The following ARMC3 variants were observed in gnomAD, a reference collection of about 807,000 sequenced individuals.
ARMC3 encodes armadillo repeat-containing protein 3.
Under a neutral mutation model 90.3 loss-of-function variants are expected in ARMC3, and 74 were observed. The observed-to-expected ratio is 0.82, with a 90% CI of 0.68 to 0.99. The LOEUF is 0.99. Among genes scored for constraint, ARMC3 ranks in the 50% least tolerant of loss-of-function variants. The pLI, the probability that ARMC3 is intolerant of heterozygous loss-of-function variation, is 0.00. For missense variants in ARMC3, 958 were observed against 1,042.8 expected, an observed-to-expected ratio of 0.92 and a Z score of 1.12; for synonymous variants, 334 against 361.8, an observed-to-expected ratio of 0.92 and a Z score of 0.87.
intron 7 of ARMC3, among the ~76,000 whole-genome samples, chr10:22,967,555 A>G (rs1458297427): frequency 3.9e-5 from 6 of 152,210 alleles, no homozygotes; most frequent in Non-Finnish European, 8.8e-5. Flanking sequence ...AAACGGCACC[A>G]TATGGTAGAC....
rs1437919632 is a variant in ARMC3, at chr10:22,931,979, A to T, written c.-1-17A>T. On this transcript the variant is annotated splice_polypyrimidine_tract_variant and intron_variant, in intron 1 of 18. Coordinates refer to ENST00000298032, the MANE Select transcript of ARMC3 (RefSeq NM_173081.5). ...TGTGCAAATGTCACTTTAACCATAT[A>T]TTGCATCTTTTTCCAGGATGGGTAA... 3.8e-6 allele frequency: 6 copies of T among 1,598,292 alleles called. No individual in the cohort carries two copies. The African/African-American group carries it at 8.1e-5, about 22-fold the overall frequency.
At chr10:22,995,313 T>A (rs753101090) in intron 10 of ARMC3, among the ~76,000 whole-genome samples, 1 of 152,228 alleles carries the variant, frequency 6.6e-6, no homozygotes, top group African/African-American at 2.4e-5. Flanking sequence ...TACTTCTGTA[T>A]ATAAAATTAG....
chr10:23,030,935 T>G (rs906914180), intron 17 of ARMC3, 139 bp downstream of exon 17: 2 of 960,240 alleles, frequency 2.1e-6, no homozygotes, highest in African/African-American at 3.3e-5. Context: ...AGAAACACAA[T>G]GAATTGGAAA....
chr10:22,936,961 T>C (rs1333295664), intron 2 of ARMC3, among the ~76,000 whole-genome samples: 1 of 152,144 alleles, frequency 6.6e-6, no homozygotes, highest in Non-Finnish European at 1.5e-5. Context: ...TGGAGTGCAG[T>C]GGCACAATCA....
At chr10:22,936,057 C>T (rs1204300071) in intron 2 of ARMC3, among the ~76,000 whole-genome samples, 1 of 152,160 alleles carries the variant, frequency 6.6e-6, no homozygotes, top group Non-Finnish European at 1.5e-5. Context: ...GATTTATTTT[C>T]ACTGAGGTCA....
At chr10:22,933,380 TAAAC>T (rs1283337844) in intron 2 of ARMC3, among the ~76,000 whole-genome samples, 1 of 152,182 alleles carries the variant, frequency 6.6e-6, no homozygotes, top group Non-Finnish European at 1.5e-5. Context: ...ACGGGGCTAA[TAAAC>T]AATAGATGTA....
chr10:23,026,565 T>C (rs962684996), intron 16 of ARMC3, among the ~76,000 whole-genome samples: 19 of 151,984 alleles, frequency 1.3e-4, no homozygotes, highest in African/African-American at 4.6e-4. Context: ...AAAATAAAAA[T>C]AAAACTGTTG....
At chr10:23,005,280 G>A (rs1387155659) in intron 13 of ARMC3, among the ~76,000 whole-genome samples, 12 of 149,146 alleles carry the variant, frequency 8.0e-5, no homozygotes, top group African/African-American at 2.5e-4. Flanking sequence ...GGGAAAAGCC[G>A]AAAAACGATC....
chr10:23,028,188 T>C (rs537241221), intron 16 of ARMC3, among the ~76,000 whole-genome samples: 1 of 152,302 alleles, frequency 6.6e-6, no homozygotes, highest in South Asian at 2.1e-4. Context: ...GTTCTGGGTG[T>C]TGTTCAGATT....
At chr10:22,936,666 G>A (rs185311380) in intron 2 of ARMC3, among the ~76,000 whole-genome samples, 131 of 152,276 alleles carry the variant, frequency 8.6e-4, no homozygotes, top group African/African-American at 3.1e-3. Context: ...GATGGGATAT[G>A]TAATGACAGC....
chr10:22,957,091 A>G (rs1323401770), intron 4 of ARMC3, among the ~76,000 whole-genome samples: 2 of 152,176 alleles, frequency 1.3e-5, no homozygotes, highest in African/African-American at 4.8e-5. Context: ...ACACATGCCT[A>G]TCGTGGTACA....
chr10:23,002,465 C>T (rs1837341555), intron 12 of ARMC3, among the ~76,000 whole-genome samples: 1 of 152,226 alleles, frequency 6.6e-6, no homozygotes, highest in Non-Finnish European at 1.5e-5. Flanking sequence ...ACCACCCTCA[C>T]CAATCAGTTC....
chr10:22,982,111 T>C (rs116515667), intron 10 of ARMC3, among the ~76,000 whole-genome samples: 2,808 of 152,300 alleles, frequency 0.018, 94 homozygotes, highest in African/African-American at 0.065. Context: ...GGTCAGTGGC[T>C]CCCACCTGTA....
intron 7 of ARMC3, among the ~76,000 whole-genome samples, chr10:22,966,770 T>C (rs1835457195): frequency 6.6e-6 from 1 of 152,098 alleles, no homozygotes. Context: ...CAGATGACCA[T>C]GTGAAGGAGG....
intron 2 of ARMC3, among the ~76,000 whole-genome samples, chr10:22,942,016 G>A (rs1030352902): frequency 7.9e-5 from 12 of 152,184 alleles, no homozygotes; most frequent in Non-Finnish European, 1.3e-4. Flanking sequence ...GTTCACTTGT[G>A]GTTTGGGTTT....
At chr10:22,950,938 C>CTT (rs1192107878) in intron 3 of ARMC3, among the ~76,000 whole-genome samples, 11 of 137,080 alleles carry the variant, frequency 8.0e-5, no homozygotes, top group South Asian at 2.4e-4. Flanking sequence ...TGTGAAAAAT[C>CTT]TTTTTTTTTT....
chr10:22,982,086 T>C (rs1025620172), intron 10 of ARMC3, among the ~76,000 whole-genome samples: 1 of 152,076 alleles, frequency 6.6e-6, no homozygotes, highest in African/African-American at 2.4e-5. Flanking sequence ...TTAGATAATA[T>C]AGAAACATTT....
intron 5 of ARMC3, 60 bp from the exon 6 acceptor site, chr10:22,959,339 A>G: frequency 6.7e-7 from 1 of 1,492,564 alleles, no homozygotes; most frequent in Non-Finnish European, 9.1e-7. Flanking sequence ...AGCATATTTT[A>G]AAGTAGTGGC....
At chr10:22,964,159 T>A (rs1008263999) in intron 7 of ARMC3, among the ~76,000 whole-genome samples, 1 of 152,078 alleles carries the variant, frequency 6.6e-6, no homozygotes, top group South Asian at 2.1e-4. Context: ...ATTGAACTTA[T>A]AATACCTTCC....
Sources: allele counts gnomAD v4.1 joint callset (sites outside exome capture counted in the v4.1 genomes callset), GRCh38; gene constraint gnomAD v4.1.1; transcripts MANE v1.5; gene names NCBI Gene and HGNC (gene_info 2026-07-23, HGNC 2026-07-21).